Variants in PCDHGA2 observed in about 807,000 individuals in gnomAD.
PCDHGA2 encodes the protein protocadherin gamma-A2.
Under a neutral mutation model 59.2 loss-of-function variants are expected in PCDHGA2, and 40 were observed. The observed-to-expected ratio is 0.68, with a 90% CI of 0.52 to 0.88. The LOEUF is 0.88. Among genes scored for constraint, PCDHGA2 ranks in the 40% least tolerant of loss-of-function variants. The pLI is 0.00. For synonymous variants in PCDHGA2, 560 were observed against 526.0 expected (o/e 1.06, Z -0.89); for missense variants, 1,226 against 1,204.0 (o/e 1.02, Z -0.27).
chr5:141,371,551 T>A (rs1561551438), intron 1 of PCDHGA2: 1 of 1,613,704 alleles, frequency 6.2e-7, no homozygotes, highest in Non-Finnish European at 8.5e-7. Context: ...CTATGCCAAC[T>A]AAAAGGAAAC....
rs757825548 is a variant in PCDHGA2, at chr5:141,361,696, G to C, written c.2424+20301G>C. 9.3e-6 allele frequency: 15 copies of C among 1,613,466 alleles called. No individual in the cohort carries two copies. In the Admixed American group the frequency reaches 1.0e-4, roughly 11 times the overall value. ...GGTGGTGTTCGCGCAGCGCGCCTTC[G>C]ATCATGAGCAGCTGCGCGCCTTCGA... On this transcript the variant is annotated intron_variant, in intron 1 of 3. Transcript: ENST00000394576.
At chr5:141,497,719 T>C (rs1311566820) in intron 2 of PCDHGA2, among the ~76,000 whole-genome samples, 2 of 152,076 alleles carry the variant, frequency 1.3e-5, no homozygotes, top group Non-Finnish European at 2.9e-5. Context: ...TTTGTATTTT[T>C]AGTAGAGATG....
chr5:141,432,120 A>G lies in PCDHGA2; in HGVS notation c.2425-62687A>G, dbSNP rs764363553. 12 of 1,613,978 alleles carry G rather than the reference A, an allele frequency of 7.4e-6. No homozygotes were observed. The highest frequency in any genetic ancestry group is 5.3e-5 in the African/African-American group (4 of 74,894). ...AACGACAACCCGCCGGTCTTCCCTCAGGCCTCCTATTCCGCTTATATCCCA... is the reference window on the plus strand; with the variant it reads ...AACGACAACCCGCCGGTCTTCCCTCGGGCCTCCTATTCCGCTTATATCCCA... On this transcript the variant is annotated intron_variant, in intron 1 of 3. Transcript: ENST00000394576. The surrounding 1 kb of genome is among the most constrained non-coding windows in gnomAD (Gnocchi z 6.0).
At chr5:141,341,464 A>G (rs774397437) in intron 1 of PCDHGA2, 69 bp downstream of exon 1, 2 of 1,599,382 alleles carry the variant, frequency 1.3e-6, no homozygotes, top group Non-Finnish European at 1.7e-6. Flanking sequence ...TGTTTACTAT[A>G]TCTATTTTGT....
At chr5:141,390,029 C>A in intron 1 of PCDHGA2, 1 of 1,614,086 alleles carries the variant, frequency 6.2e-7, no homozygotes, top group Non-Finnish European at 8.5e-7. Flanking sequence ...GCCTGCGACG[C>A]TCCTCCAGCC....
chr5:141,352,640 A>G, intron 1 of PCDHGA2: 1 of 1,608,046 alleles, frequency 6.2e-7, no homozygotes, highest in Non-Finnish European at 8.5e-7. Context: ...AGATCACAAA[A>G]TCGCTTATGA....
In PCDHGA2 at chr5:141,491,409, G is replaced by T; in HGVS notation, c.2425-3398G>T. The T allele has an allele frequency of 6.8e-6, 11 of 1,614,118 alleles. No individual in the cohort carries two copies. Among genetic ancestry groups the T allele is most frequent in the Non-Finnish European group, 9.3e-6 (11 of 1,180,014 alleles). On this transcript the variant is annotated intron_variant, in intron 1 of 3. Coordinates refer to ENST00000394576, the MANE Select transcript of PCDHGA2 (RefSeq NM_018915.4). The surrounding 1 kb of genome is among the most constrained non-coding windows in gnomAD (Gnocchi z 6.9). ...AGTGCCTTCAGGGAAACGCAGACGG[G>T]GACGGGGGTGGAGGGCAGTGCTGCA...
chr5:141,400,314 C>G (rs764415393), intron 1 of PCDHGA2: 1 of 1,614,078 alleles, frequency 6.2e-7, no homozygotes, highest in Non-Finnish European at 8.5e-7. Flanking sequence ...GTCTCTGTGT[C>G]AAGTCTGGAC....
At chr5:141,346,568 C>T (rs771814599) in intron 1 of PCDHGA2, 68 of 1,430,610 alleles carry the variant, frequency 4.8e-5, no homozygotes, top group African/African-American at 1.4e-5. Flanking sequence ...GTCATTAGTC[C>T]TTTGACTAAA....
At position 141,340,897 on chromosome 5, in the gene PCDHGA2, C is replaced by A. The variant is rs141820910; in HGVS notation, c.1926C>A (p.Leu642=). 6.6e-4 allele frequency: 1,068 copies of A among 1,613,718 alleles called. 1 individual carries two copies. Among genetic ancestry groups the A allele is most frequent in the Non-Finnish European group, 8.1e-4 (959 of 1,179,932 alleles). The change falls in exon 1 of 4, where the codon CTC becomes CTA. Residue 642 remains leucine, a synonymous_variant. Coordinates refer to ENST00000394576, the MANE Select transcript of PCDHGA2 (RefSeq NM_018915.4). ...ACAGAGACGCGCTCAAGCAGAGCCT[C>A]GTGGTGGCCATCCAGGACCACGGCC... ...LLDRDALKQS[L]VVAIQDHGQP...
intron 1 of PCDHGA2, chr5:141,405,602 A>C: frequency 1.7e-6 from 1 of 572,914 alleles, no homozygotes; most frequent in South Asian, 2.3e-5. Flanking sequence ...CCCAAGTAGA[A>C]TAACTGGGAC....
intron 1 of PCDHGA2, chr5:141,418,947 G>T (rs534744990): frequency 6.2e-7 from 1 of 1,614,022 alleles, no homozygotes; most frequent in African/African-American, 1.3e-5. Context: ...TCCCCTCCAG[G>T]AGTGGTTGTT....
At chr5:141,468,960 T>TC (rs1562019766) in intron 1 of PCDHGA2, among the ~76,000 whole-genome samples, 1 of 151,348 alleles carries the variant, frequency 6.6e-6, no homozygotes, top group African/African-American at 2.4e-5. Flanking sequence ...TGGTTTTTTT[T>TC]ACCTTAGGCT....
intron 1 of PCDHGA2, chr5:141,413,635 A>C: frequency 6.2e-7 from 1 of 1,613,888 alleles, no homozygotes; most frequent in Non-Finnish European, 8.5e-7. Context: ...CGCTGCGGGA[A>C]TGCGTTTTCC....
chr5:141,344,606 T>A (rs1040191398), intron 1 of PCDHGA2: 18 of 1,613,934 alleles, frequency 1.1e-5, no homozygotes, highest in Non-Finnish European at 1.4e-5. Context: ...GGGCCAAGTA[T>A]CCAGAGCTGG....
intron 1 of PCDHGA2, among the ~76,000 whole-genome samples, chr5:141,482,791 G>T (rs1039924143): frequency 2.6e-5 from 4 of 152,168 alleles, no homozygotes; most frequent in African/African-American, 9.7e-5. Flanking sequence ...TGTGTGTGTG[G>T]CCGGGTACGG....
At chr5:141,471,637 T>C (rs1284100810) in intron 1 of PCDHGA2, 2 of 152,198 alleles carry the variant, frequency 1.3e-5, no homozygotes, top group Non-Finnish European at 2.9e-5. Context: ...TATGGATTAG[T>C]AATATACTGG....
intron 1 of PCDHGA2, chr5:141,410,555 C>T (rs768561351): frequency 1.9e-6 from 3 of 1,613,084 alleles, no homozygotes; most frequent in Middle Eastern, 1.6e-4. Context: ...CAGTGTTTCT[C>T]CTGGAGCCTT....
At chr5:141,365,090 A>T (rs774588043) in intron 1 of PCDHGA2, 1 of 1,613,830 alleles carries the variant, frequency 6.2e-7, no homozygotes, top group Non-Finnish European at 8.5e-7. Context: ...TGTTCCAGAG[A>T]ACATACCTGT....
Sources: allele counts gnomAD v4.1 joint callset (sites outside exome capture counted in the v4.1 genomes callset), GRCh38; gene constraint gnomAD v4.1.1; non-coding constraint Gnocchi (gnomAD v3.1); transcripts MANE v1.5; gene names NCBI Gene and HGNC (gene_info 2026-07-23, HGNC 2026-07-21).